The following KIAA1671 variants were observed in gnomAD, a reference collection of about 807,000 sequenced individuals.
The protein encoded by KIAA1671 is KIAA1671, also known as uncharacterized protein KIAA1671.
Under a neutral mutation model 131.2 loss-of-function variants are expected in KIAA1671, and 52 were observed. The ratio of observed to expected loss-of-function variants is 0.40; its 90% CI spans 0.32 to 0.50. The LOEUF is 0.50. Ranked by LOEUF, KIAA1671 falls within the 20% of genes least tolerant of loss-of-function variation. KIAA1671 has a pLI of 0.73. For synonymous variants in KIAA1671, 1,003 were observed against 961.6 expected (o/e 1.04, Z -0.80); for missense variants, 2,360 against 2,364.2 (o/e 1.00, Z 0.04).
At chr22:25,016,786 G>C (rs1925347022) in intron 1 of KIAA1671, among the ~76,000 whole-genome samples, 1 of 152,144 alleles carries the variant, frequency 6.6e-6, no homozygotes, top group Admixed American at 6.6e-5. Flanking sequence ...ATGCACTTTA[G>C]GCCAGCCCCA....
intron 6 of KIAA1671, among the ~76,000 whole-genome samples, chr22:25,155,903 A>G (rs1933218064): frequency 6.8e-6 from 1 of 147,304 alleles, no homozygotes; most frequent in African/African-American, 2.5e-5. Flanking sequence ...ATGTGTATGT[A>G]TATAGTTTTT....
intron 1 of KIAA1671, among the ~76,000 whole-genome samples, chr22:25,020,594 G>A (rs1925612857): frequency 6.6e-6 from 1 of 152,126 alleles, no homozygotes; most frequent in Admixed American, 6.5e-5. Context: ...TAGTCACCAG[G>A]TATTCCTCAG....
At chr22:25,017,849 A>T (rs1467470853) in intron 1 of KIAA1671, among the ~76,000 whole-genome samples, 1 of 152,186 alleles carries the variant, frequency 6.6e-6, no homozygotes, top group African/African-American at 2.4e-5. Flanking sequence ...TCTTCGGTGT[A>T]ACAAGTGTTA....
intron 11 of KIAA1671, among the ~76,000 whole-genome samples, chr22:25,188,446 G>C (rs932914675): frequency 1.6e-5 from 2 of 122,652 alleles, no homozygotes; most frequent in African/African-American, 3.3e-5. Flanking sequence ...AGAGCCAATC[G>C]GGTGTGTGTG....
At chr22:25,037,862 CAG>C (rs1926700084) in intron 4 of KIAA1671, among the ~76,000 whole-genome samples, 1 of 151,948 alleles carries the variant, frequency 6.6e-6, no homozygotes. Flanking sequence ...TTTTTTTAGA[CAG>C]AGACTCACTC....
intron 6 of KIAA1671, among the ~76,000 whole-genome samples, chr22:25,079,951 G>A (rs1733017399): frequency 6.6e-6 from 1 of 152,116 alleles, no homozygotes; most frequent in African/African-American, 2.4e-5. Flanking sequence ...CGCTCAGACT[G>A]GGGCAGGAGA....
At position 25,039,800 on chromosome 22, in the gene KIAA1671, T is replaced by A; in HGVS notation, c.2670T>A (p.Ala890=). The change falls in exon 5 of 13, where the codon GCT becomes GCA. Residue 890 remains alanine (A), a synonymous_variant. Coordinates refer to ENST00000358431, the MANE Select transcript of KIAA1671 (RefSeq NM_001145206.2). ...GCCCCCTCGATCCTCTTTCCAGGGC[T>A]ACGAATGGGCCTTCTGACTCCCAAG... The part of the protein sequence containing the change: ...QGCPLDPLSR[A]TNGPSDSQAR... 3 of 1,517,748 alleles carry A rather than the reference T, an allele frequency of 2.0e-6. No homozygotes were observed. In the South Asian group the frequency reaches 3.8e-5, roughly 19 times the overall value. 94.0% of individuals were successfully genotyped at this position (1,517,748 alleles called of 1,614,324 possible).
Position 25,040,405 on chromosome 22 carries a change from G to A in KIAA1671, c.3275G>A (p.Arg1092Gln), listed in dbSNP as rs1926845931. Residue 1092 changes from arginine (R) to glutamine (Q), a missense_variant, in exon 5 of 13, where the codon CGA becomes CAA. Coordinates refer to ENST00000358431, the MANE Select transcript of KIAA1671 (RefSeq NM_001145206.2). ...GGCAGTAAAAACTGGATGAAGGGAC[G>A]AGAGCATGAAAATGCAAGCATTTTA... ...MAGSKNWMKGREHENASILKT... is the reference protein window; with the variant it reads ...MAGSKNWMKGQEHENASILKT... 6.4e-6 allele frequency: 10 copies of A among 1,551,832 alleles called. No individual in the cohort carries two copies. Among genetic ancestry groups the A allele is most frequent in the South Asian group, 1.2e-5 (1 of 84,070 alleles).
chr22:25,179,630 G>C, intron 9 of KIAA1671: 1 of 815,544 alleles, frequency 1.2e-6, no homozygotes, highest in Non-Finnish European at 1.9e-6. Context: ...AGTGGAAACT[G>C]ATTTCTTGTT....
At chr22:24,955,575 G>A (rs2123789648) in intron 1 of KIAA1671, among the ~76,000 whole-genome samples, 1 of 152,320 alleles carries the variant, frequency 6.6e-6, no homozygotes, top group Admixed American at 6.5e-5. Context: ...TATTCCTGGA[G>A]CGTGGGGCGC....
chr22:24,984,111 G>T (rs573928813), intron 1 of KIAA1671, among the ~76,000 whole-genome samples: 1 of 152,076 alleles, frequency 6.6e-6, no homozygotes, highest in Non-Finnish European at 1.5e-5. Flanking sequence ...GCCTCTCAGG[G>T]GCTTAAGCAG....
rs373987550 is a variant in KIAA1671, at chr22:24,953,866, C to A, written c.-208+1094C>A. On this transcript the variant is annotated intron_variant, in intron 1 of 12. Transcript: ENST00000358431. ...TCTTTTGGAAGGGAAAGGACTGTAC[C>A]TGTTGCACAAAGAAAAACACTTTCT... Among the ~76,000 whole-genome samples, 97 of 152,260 alleles carry A rather than the reference C, an allele frequency of 6.4e-4. 1 individual carries two copies. In the East Asian group the frequency reaches 0.016, roughly 25 times the overall value.
At chr22:25,093,838 GTC>G (rs56200570) in intron 6 of KIAA1671, among the ~76,000 whole-genome samples, 545 of 19,604 alleles carry the variant, frequency 0.028, 36 homozygotes, top group East Asian at 0.088. Context: ...CTCTCTGTCT[GTC>G]TCTCTCTCTC....
chr22:25,105,831 G>T (rs981448385), intron 6 of KIAA1671, among the ~76,000 whole-genome samples: 6 of 138,284 alleles, frequency 4.3e-5, no homozygotes, highest in South Asian at 4.5e-4. Context: ...GGGGGGGGGG[G>T]TGCCAAACTC....
chr22:25,129,521 A>C (rs894401117), intron 6 of KIAA1671, among the ~76,000 whole-genome samples: 26 of 150,892 alleles, frequency 1.7e-4, no homozygotes, highest in East Asian at 5.9e-4. Context: ...AAAAAAAAAA[A>C]CCCACAGATT....
At chr22:25,144,884 G>A (rs1265948750) in intron 6 of KIAA1671, among the ~76,000 whole-genome samples, 2 of 150,202 alleles carry the variant, frequency 1.3e-5, no homozygotes, top group Non-Finnish European at 3.0e-5. Flanking sequence ...CAGGGCTCTG[G>A]TGTGACTGGA....
At chr22:25,098,558 C>T (rs537606918) in intron 6 of KIAA1671, among the ~76,000 whole-genome samples, 3 of 145,146 alleles carry the variant, frequency 2.1e-5, no homozygotes, top group East Asian at 4.0e-4. Context: ...AGCTGTGACT[C>T]AGAAGCAAGA....
chr22:24,995,290 G>A (rs1008796391), intron 1 of KIAA1671, among the ~76,000 whole-genome samples: 9 of 151,532 alleles, frequency 5.9e-5, no homozygotes, highest in Non-Finnish European at 1.2e-4. Context: ...CTGACCTCGT[G>A]ATCTGCCCAC....
intron 6 of KIAA1671, among the ~76,000 whole-genome samples, chr22:25,083,236 T>C (rs1320343051): frequency 6.6e-6 from 1 of 152,204 alleles, no homozygotes; most frequent in African/African-American, 2.4e-5. Context: ...TCTGTGTCCT[T>C]ACACCATCTT....
Sources: gnomAD v4.1 joint callset for allele counts (sites outside exome capture counted in the v4.1 genomes callset) on GRCh38, gnomAD v4.1.1 for gene constraint, MANE v1.5 for transcripts, NCBI Gene and HGNC (gene_info 2026-07-23, HGNC 2026-07-21) for gene names.